PTAFR: variants seen among roughly 807,000 people sequenced by gnomAD.
PTAFR encodes platelet-activating factor receptor.
A neutral mutation model predicts 14.7 loss-of-function variants in PTAFR; 8 were observed. The observed-to-expected ratio is 0.54, with a 90% confidence interval of 0.32 to 0.98. The LOEUF (loss-of-function observed/expected upper bound fraction) is 0.98, where lower values mean the gene tolerates loss of function less well. PTAFR is among the 50% of genes least tolerant of loss of function. PTAFR has a pLI of 0.04. For synonymous variants in PTAFR, 156 were observed against 176.5 expected, an observed-to-expected ratio of 0.88 and a Z score of 0.92; for missense variants, 337 against 451.2, an observed-to-expected ratio of 0.75 and a Z score of 2.29.
intron 1 of PTAFR, among the ~76,000 whole-genome samples, chr1:28,175,457 AACAC>A (rs1646502763): frequency 1.3e-5 from 2 of 149,542 alleles, no homozygotes; most frequent in African/African-American, 2.5e-5. Flanking sequence ...CGCCTCCCCC[AACAC>A]ACACACCACC....
chr1:28,150,905 G>C lies in PTAFR; in HGVS notation c.117C>G (p.Val39=). ...TCTTGCAAGGGTACAGGCGGGCAAA[G>C]ACCCACAGCACGTAGCCATTAGCAA... ...GVIANGYVLW[V]FARLYPCKKF... Residue 39 remains valine, a synonymous_variant, in exon 2 of 2, where the codon GTC becomes GTG. Transcript: ENST00000373857. This position sits in a 1 kb window ranked among gnomAD's most constrained non-coding sequence, Gnocchi z 6.3. The C allele has an allele frequency of 6.2e-7, 1 of 1,613,868 alleles. No individual in the cohort carries two copies.
intron 1 of PTAFR, among the ~76,000 whole-genome samples, chr1:28,151,466 C>T (rs887566245): frequency 3.3e-5 from 5 of 152,108 alleles, no homozygotes; most frequent in Non-Finnish European, 2.9e-5. Context: ...GCATGAGTCA[C>T]TGTGCCCGGC....
intron 1 of PTAFR, among the ~76,000 whole-genome samples, chr1:28,184,733 G>C (rs1050520200): frequency 6.6e-6 from 1 of 151,976 alleles, no homozygotes; most frequent in Non-Finnish European, 1.5e-5. Flanking sequence ...TCCTCTTCCT[G>C]AGTTCCAGCG....
chr1:28,169,315 A>G (rs1324285555), intron 1 of PTAFR, among the ~76,000 whole-genome samples: 2 of 152,128 alleles, frequency 1.3e-5, no homozygotes, highest in Admixed American at 1.3e-4. Flanking sequence ...AAAAAAATCA[A>G]TGGGCCTAAG....
upstream of PTAFR, among the ~76,000 whole-genome samples, chr1:28,179,114 C>G (rs967745752): frequency 6.6e-6 from 1 of 152,208 alleles, no homozygotes; most frequent in Non-Finnish European, 1.5e-5. Flanking sequence ...ATGAACTTAG[C>G]CTTCATGCAA....
At chr1:28,188,631 A>G (rs1646625249) in intron 1 of PTAFR, among the ~76,000 whole-genome samples, 1 of 152,058 alleles carries the variant, frequency 6.6e-6, no homozygotes, top group East Asian at 1.9e-4. Context: ...GCTATTCAGC[A>G]GGCTGAGGCA....
chr1:28,174,134 G>T (rs1646485960), intron 1 of PTAFR, among the ~76,000 whole-genome samples: 1 of 152,238 alleles, frequency 6.6e-6, no homozygotes, highest in African/African-American at 2.4e-5. Context: ...CTGTCAAGGA[G>T]CCCAAGAGGG....
chr1:28,172,629 G>T (rs962445591), intron 1 of PTAFR, among the ~76,000 whole-genome samples: 1 of 152,198 alleles, frequency 6.6e-6, no homozygotes, highest in African/African-American at 2.4e-5. Context: ...GCTGTCCTCA[G>T]AAAATGTTTG....
intron 1 of PTAFR, among the ~76,000 whole-genome samples, chr1:28,155,400 G>A (rs962420898): frequency 5.3e-5 from 8 of 152,008 alleles, no homozygotes; most frequent in Non-Finnish European, 1.0e-4. Context: ...TAGTAGAGAC[G>A]GCGTTTCACC....
Position 28,150,954 on chromosome 1 carries a change from C to T in PTAFR, c.68G>A (p.Ser23Asn). 1 of 1,613,866 alleles carries T rather than the reference C, an allele frequency of 6.2e-7. No homozygotes were observed. The highest frequency in any genetic ancestry group is 8.5e-7 in the Non-Finnish European group (1 of 1,179,862). The change falls in exon 2 of 2, where the codon AGC becomes AAC. Residue 23 changes from serine to asparagine, a missense_variant. Physicochemically the swap from Ser to Asn is conservative, Grantham distance 46. Transcript: ENST00000373857. The surrounding 1 kb of genome is among the most constrained non-coding windows in gnomAD (Gnocchi z 6.3). ...AATGACCCCGAGCACAAAGATGATG[C>T]TGTAAACAATCGGGAAGAGAGTGTA... ...FRYTLFPIVY[S>N]IIFVLGVIAN...
At chr1:28,167,971 T>C (rs1296344604) in intron 1 of PTAFR, among the ~76,000 whole-genome samples, 2 of 135,860 alleles carry the variant, frequency 1.5e-5, no homozygotes, top group African/African-American at 5.6e-5. Context: ...TTTTTTTTTT[T>C]TTTTTGAGAT....
rs191575754 is a variant in PTAFR at position 28,161,509 on chromosome 1, T to A, written c.-38-10450A>T. ...AAGATAGGGTAGATGGCTTTTTTTTTATTTTTATTTTTTAATAAATAGAGA... is the reference window on the plus strand; with the variant it reads ...AAGATAGGGTAGATGGCTTTTTTTTAATTTTTATTTTTTAATAAATAGAGA... On this transcript the variant is annotated intron_variant, in intron 1 of 1. Coordinates refer to ENST00000373857, the MANE Select transcript of PTAFR (RefSeq NM_000952.5). 3.3e-4 allele frequency among the ~76,000 whole-genome samples: 50 copies of A among 152,332 alleles called. No individual in the cohort carries two copies. In the South Asian group the frequency reaches 3.3e-3, roughly 10 times the overall value.
chr1:28,161,755 GC>G (rs1470579378), intron 1 of PTAFR, among the ~76,000 whole-genome samples: 1 of 152,126 alleles, frequency 6.6e-6, no homozygotes, highest in East Asian at 1.9e-4. Flanking sequence ...AAGCTTTAAG[GC>G]CCTCTCCTAG....
chr1:28,173,395 CG>C (rs757101760), intron 1 of PTAFR, among the ~76,000 whole-genome samples: 13 of 151,720 alleles, frequency 8.6e-5, no homozygotes, highest in Non-Finnish European at 1.6e-4. Context: ...TGCTTGAGCA[CG>C]GGAGTTCAAG....
intron 1 of PTAFR, among the ~76,000 whole-genome samples, chr1:28,191,328 G>A (rs1397167614): frequency 6.6e-6 from 1 of 152,242 alleles, no homozygotes; most frequent in Non-Finnish European, 1.5e-5. Context: ...GGCTTTGCCT[G>A]GGCAGGGGAG....
chr1:28,179,685 C>T (rs924195189), upstream of PTAFR, among the ~76,000 whole-genome samples: 4 of 151,954 alleles, frequency 2.6e-5, no homozygotes, highest in Admixed American at 6.6e-5. Flanking sequence ...AAGAGCCAGG[C>T]ATGGTGGCAC....
intron 1 of PTAFR, among the ~76,000 whole-genome samples, chr1:28,170,938 T>C (rs2149001398): frequency 6.6e-6 from 1 of 152,004 alleles, no homozygotes; most frequent in East Asian, 1.9e-4. Flanking sequence ...GTGCAGAGTC[T>C]GCAGTGAGCC....
At chr1:28,154,499 T>C (rs902237343) in intron 1 of PTAFR, among the ~76,000 whole-genome samples, 2 of 152,064 alleles carry the variant, frequency 1.3e-5, no homozygotes, top group Admixed American at 1.3e-4. Context: ...ACAAACACCG[T>C]TGTTATACAA....
upstream of PTAFR, among the ~76,000 whole-genome samples, chr1:28,181,187 T>C (rs1257003877): frequency 2.0e-5 from 3 of 152,178 alleles, no homozygotes; most frequent in Non-Finnish European, 2.9e-5. Flanking sequence ...TAACTTCTTA[T>C]AGCAGCCACA....
Sources: allele counts gnomAD v4.1 joint callset (sites outside exome capture counted in the v4.1 genomes callset), GRCh38; gene constraint gnomAD v4.1.1; non-coding constraint Gnocchi (gnomAD v3.1); transcripts MANE v1.5; gene names NCBI Gene and HGNC (gene_info 2026-07-23, HGNC 2026-07-21).